The following TET3 variants were observed in gnomAD, a reference collection of about 807,000 sequenced individuals.
The protein encoded by TET3 is tet methylcytosine dioxygenase 3.
In TET3, 19 loss-of-function variants were observed where a neutral mutation model predicts 141.4. The observed-to-expected ratio is 0.13, with a 90% CI of 0.09 to 0.20. The LOEUF is 0.20. Ranked by LOEUF, TET3 falls within the 10% of genes least tolerant of loss-of-function variation. The pLI is 1.00. For missense variants in TET3, 1,874 were observed against 2,356.9 expected, an observed-to-expected ratio of 0.80 and a Z score of 4.24; for synonymous variants, 1,043 against 980.9, an observed-to-expected ratio of 1.06 and a Z score of -1.18.
At chr2:74,026,245 C>G (rs978983213) in intron 3 of TET3, among the ~76,000 whole-genome samples, 2 of 152,142 alleles carry the variant, frequency 1.3e-5, no homozygotes, top group African/African-American at 4.8e-5. Flanking sequence ...GCCACTGCCT[C>G]TCCCTGAGAT....
chr2:74,117,763 T>G, the TET3 span, among the ~76,000 whole-genome samples: 35,430 of 152,006 alleles, frequency 0.23, 4,522 homozygotes, highest in East Asian at 0.37. Flanking sequence ...TATATTTTTT[T>G]ATAACGGAGT....
chr2:74,131,795 T>C, the TET3 span, among the ~76,000 whole-genome samples: 1 of 152,256 alleles, frequency 6.6e-6, no homozygotes, highest in African/African-American at 2.4e-5. Flanking sequence ...CTACATCCGA[T>C]GCAATGCTAT....
At chr2:74,034,863 G>C (rs1418160012) in intron 3 of TET3, among the ~76,000 whole-genome samples, 1 of 151,978 alleles carries the variant, frequency 6.6e-6, no homozygotes, top group African/African-American at 2.4e-5. Context: ...CAAAGTATTT[G>C]TTCTGTTTTG....
At chr2:74,115,082 TAAA>T in the TET3 span, among the ~76,000 whole-genome samples, 3 of 151,844 alleles carry the variant, frequency 2.0e-5, no homozygotes, top group African/African-American at 7.3e-5. Context: ...GCACAGGCAA[TAAA>T]AAGCAAAAAT....
Position 74,106,184 on chromosome 2 carries a change from G to A in TET3, c.*4008G>A, listed in dbSNP as rs141355069. The A allele has an allele frequency of 2.0e-4, 31 of 151,340 alleles. No homozygotes were observed. Among genetic ancestry groups the A allele is most frequent in the African/African-American group, 7.5e-4 (31 of 41,184 alleles). 9.4% of individuals were successfully genotyped at this position (151,340 alleles called of 1,614,324 possible). ...GAGCAGTGTTGTGTTGTGTTGTATT[G>A]TTCTTCCCTTGGTGGCCAAACAAAG... On this transcript the variant is annotated 3_prime_UTR_variant, in exon 12 of 12. Coordinates refer to ENST00000409262, the MANE Select transcript of TET3 (RefSeq NM_001287491.2).
chr2:73,984,770 T>TCCCCTCCGCGGGAACCACC (rs1683909510), upstream of TET3, among the ~76,000 whole-genome samples: 1 of 144,694 alleles, frequency 6.9e-6, no homozygotes, highest in African/African-American at 2.5e-5. This position sits in a 1 kb window ranked among gnomAD's most constrained non-coding sequence, Gnocchi z 5.6. Context: ...ACCCGACCCC[T>TCCCCTCCGCGGGAACCACC]CCCCTCCGCG....
rs1302100536 is a variant in TET3, at chr2:74,104,686, C to T, written c.*2510C>T. The T allele has an allele frequency of 6.5e-6, 1 of 152,948 alleles. No individual in the cohort carries two copies. Among genetic ancestry groups the T allele is most frequent in the Non-Finnish European group, 1.5e-5 (1 of 68,636 alleles). The allele number at this position is 152,948 out of a possible 1,614,324, so 9.5% of individuals were successfully genotyped here. The stretch of plus-strand genomic sequence containing the variant: ...CTGATACTTGGCATGTGTGAATCTT[C>T]CTGATGTATGTTAAATAAACTCTTC... On this transcript the variant is annotated 3_prime_UTR_variant, in exon 12 of 12. Transcript: ENST00000409262.
chr2:74,007,068 A>C (rs1308181432), intron 3 of TET3, among the ~76,000 whole-genome samples: 2 of 152,210 alleles, frequency 1.3e-5, no homozygotes, highest in Non-Finnish European at 2.9e-5. Context: ...AAAATAAGAG[A>C]AATCATTATT....
the TET3 span, chr2:74,122,457 A>ATATATGTGTGTGTGTGTG: frequency 2.4e-5 from 3 of 127,502 alleles, no homozygotes; most frequent in East Asian, 5.1e-4. Flanking sequence ...AAATATATAT[A>ATATATGTGTGTGTGTGTG]TGTGTGTGTG....
chr2:74,026,566 A>G (rs1330991034), intron 3 of TET3, among the ~76,000 whole-genome samples: 2 of 152,206 alleles, frequency 1.3e-5, no homozygotes, highest in Admixed American at 1.3e-4. Flanking sequence ...GTTATCTTTT[A>G]GTAGCAGAAC....
rs575397005 is a variant in TET3 at position 74,097,383 on chromosome 2, T to A, written c.3268-1893T>A. On this transcript the variant is annotated intron_variant, in intron 10 of 11. Transcript: ENST00000409262. Reference sequence around the variant, plus strand: ...GATTTAAAAAATGACAAGTCGTATATAGTAGTGGGCAAAAGTCATAAAACT... The same window carrying A: ...GATTTAAAAAATGACAAGTCGTATAAAGTAGTGGGCAAAAGTCATAAAACT... Among the ~76,000 whole-genome samples, 6 of 152,262 alleles carry A rather than the reference T, an allele frequency of 3.9e-5. 1 individual carries two copies. In the South Asian group the frequency reaches 1.2e-3, roughly 32 times the overall value.
Position 74,099,631 on chromosome 2 carries a change from C to A in TET3, c.3604+19C>A. ...GACCCAGGTGTGTGGGGGGAGGGTG[C>A]CCGCTTGGAGTCACAATGGCACTGT... On this transcript the variant is annotated intron_variant, in intron 11 of 11. Coordinates refer to ENST00000409262, the MANE Select transcript of TET3 (RefSeq NM_001287491.2). 6.5e-7 allele frequency: 1 copy of A among 1,530,152 alleles called. No homozygotes were observed. 94.8% of individuals were successfully genotyped at this position (1,530,152 alleles called of 1,614,324 possible). A position where few individuals can be genotyped will look rare whatever the true frequency, so the allele number is the denominator to read the frequency against.
At chr2:74,130,133 T>C in the TET3 span, among the ~76,000 whole-genome samples, 2 of 151,288 alleles carry the variant, frequency 1.3e-5, no homozygotes, top group Non-Finnish European at 2.9e-5. Context: ...GTATAGACAC[T>C]TGGGTTCACA....
intron 6 of TET3, among the ~76,000 whole-genome samples, chr2:74,083,164 C>T (rs530980678): frequency 5.9e-5 from 9 of 152,326 alleles, no homozygotes; most frequent in Admixed American, 2.6e-4. Flanking sequence ...TGGGTCAGCC[C>T]AGAGAGCCCT....
chr2:74,052,235 C>T (rs1687984440), intron 4 of TET3, among the ~76,000 whole-genome samples: 1 of 152,188 alleles, frequency 6.6e-6, no homozygotes, highest in African/African-American at 2.4e-5. Flanking sequence ...CTGCCTCAGC[C>T]TCCCAAAGTG....
intron 3 of TET3, among the ~76,000 whole-genome samples, chr2:74,016,799 T>C (rs1685752296): frequency 6.6e-6 from 1 of 151,604 alleles, no homozygotes; most frequent in Non-Finnish European, 1.5e-5. Context: ...TTTTTTTTTT[T>C]TTTTTTGCTT....
chr2:74,048,241 C>T lies in TET3; in HGVS notation c.2324C>T (p.Ser775Leu). 1 of 1,613,762 alleles carries T rather than the reference C, an allele frequency of 6.2e-7. No homozygotes were observed. The highest frequency in any genetic ancestry group is 1.1e-5 in the South Asian group (1 of 91,058). Residue 775 changes from serine (S) to leucine (L), a missense_variant, in exon 4 of 12, where the codon TCA becomes TTA. Physicochemically the swap from Ser to Leu is moderately radical, Grantham distance 145 (BLOSUM62 -2). Transcript: ENST00000409262. Reference protein sequence around the residue: ...VTVLSTTCFHSEEGGQEATPT... With the variant: ...VTVLSTTCFHLEEGGQEATPT... Reference sequence around the variant, plus strand: ...GTGCTCTCAACCACCTGCTTCCATTCAGAGGAGGGAGGACAGGAGGCCACA... The same window carrying T: ...GTGCTCTCAACCACCTGCTTCCATTTAGAGGAGGGAGGACAGGAGGCCACA...
intron 4 of TET3, among the ~76,000 whole-genome samples, chr2:74,070,165 A>G (rs1029657032): frequency 6.6e-6 from 1 of 152,158 alleles, no homozygotes; most frequent in Admixed American, 6.5e-5. Context: ...ATTCTGCTGT[A>G]TTAGTCCATT....
chr2:74,097,130 A>T (rs1217623604), intron 10 of TET3, among the ~76,000 whole-genome samples: 1 of 142,118 alleles, frequency 7.0e-6, no homozygotes, highest in Non-Finnish European at 1.6e-5. Flanking sequence ...AAAAAAGAAA[A>T]GCAGGTCACA....
Sources: gnomAD v4.1 joint callset for allele counts (sites outside exome capture counted in the v4.1 genomes callset) on GRCh38, gnomAD v4.1.1 for gene constraint, Gnocchi (gnomAD v3.1) non-coding constraint, MANE v1.5 for transcripts, NCBI Gene and HGNC (gene_info 2026-07-23, HGNC 2026-07-21) for gene names.